The following DNM1 variants were observed in gnomAD, a reference collection of about 807,000 sequenced individuals.
DNM1 encodes dynamin-1.
DNM1 carries 29 observed loss-of-function variants against 104.6 expected under a neutral mutation model. The ratio of observed to expected loss-of-function variants is 0.28; its 90% CI spans 0.21 to 0.38. The LOEUF is 0.38. Among genes scored for constraint, DNM1 ranks in the 10% least tolerant of loss-of-function variants. DNM1 has a pLI of 1.00. For synonymous variants in DNM1, 445 were observed against 475.8 expected (o/e 0.94, Z 0.84); for missense variants, 640 against 1,189.4 (o/e 0.54, Z 6.79).
chr9:128,210,789 C>T (rs1399487349), intron 1 of DNM1, among the ~76,000 whole-genome samples: 1 of 152,112 alleles, frequency 6.6e-6, no homozygotes, highest in Non-Finnish European at 1.5e-5. Context: ...TTTCTGTCTA[C>T]CCTATTCCCC....
chr9:128,250,456 C>T, intron 20 of DNM1, 100 bp downstream of exon 20: 1 of 1,315,226 alleles, frequency 7.6e-7, no homozygotes, highest in Non-Finnish European at 1.0e-6. Context: ...ACCGGGGTGG[C>T]TCCCACCTGG....
At chr9:128,216,416 T>C (rs1056180358) in intron 1 of DNM1, among the ~76,000 whole-genome samples, 1 of 152,176 alleles carries the variant, frequency 6.6e-6, no homozygotes, top group Non-Finnish European at 1.5e-5. Flanking sequence ...AGAGCACAGA[T>C]TCGAGGACTT....
chr9:128,224,417 A>T lies in DNM1; in HGVS notation c.1335+28A>T, dbSNP rs117066897. On this transcript the variant is annotated intron_variant, in intron 10 of 21. Transcript: ENST00000372923. This position sits in a 1 kb window ranked among gnomAD's most constrained non-coding sequence, Gnocchi z 4.3. ...AACCCGGAGGCCCGGGCCAGCCCCC[A>T]CCGCCTCTGCCCCGCCCTGCACTGC... 15 of 1,596,312 alleles carry T rather than the reference A, an allele frequency of 9.4e-6. No homozygotes were observed. In the East Asian group the frequency reaches 2.7e-4, roughly 29 times the overall value.
At chr9:128,231,839 T>C in intron 10 of DNM1, 6 of 344,590 alleles carry the variant, frequency 1.7e-5, no homozygotes, top group South Asian at 1.3e-4. Context: ...CTGGTCATTT[T>C]TCTAAGGAGA....
intron 1 of DNM1, chr9:128,204,844 A>C (rs908889905): frequency 3.3e-5 from 5 of 152,324 alleles, no homozygotes; most frequent in African/African-American, 1.2e-4. Context: ...GAGGTACAGC[A>C]GTTCTGTCCA....
At chr9:128,239,336 G>T in intron 11 of DNM1, 109 bp from the exon 12 acceptor site, 1 of 785,248 alleles carries the variant, frequency 1.3e-6, no homozygotes, top group East Asian at 2.5e-5. Flanking sequence ...ATTTATTATG[G>T]ATACTAACCT....
At chr9:128,234,664 G>A (rs528304571) in intron 11 of DNM1, among the ~76,000 whole-genome samples, 20 of 152,114 alleles carry the variant, frequency 1.3e-4, no homozygotes, top group African/African-American at 4.6e-4. Context: ...GTGAGCCACC[G>A]CGCCTGGCCC....
Position 128,220,105 on chromosome 9 carries a change from T to G in DNM1, c.688+19T>G, listed in dbSNP as rs1448567987. On this transcript the variant is annotated intron_variant, in intron 5 of 21. Transcript: ENST00000372923. The surrounding 1 kb of genome is among the most constrained non-coding windows in gnomAD (Gnocchi z 5.2). ...CGCAGAGGTAAGCAGGCCATGCCCC[T>G]CAACCACTCCCCAGCCCTTCCCCAC... 1.7e-5 allele frequency: 27 copies of G among 1,612,618 alleles called. No homozygotes were observed. The highest frequency in any genetic ancestry group is 2.2e-5 in the Non-Finnish European group (26 of 1,178,982).
In DNM1 at chr9:128,239,874, G is replaced by T. The variant is rs938237885; in HGVS notation, c.1545+95G>T. 8 of 1,566,882 alleles carry T rather than the reference G, an allele frequency of 5.1e-6. No homozygotes were observed. In the African/African-American group the frequency reaches 5.4e-5, roughly 11 times the overall value. On this transcript the variant is annotated intron_variant, in intron 13 of 21. Transcript: ENST00000372923. Reference sequence around the variant, plus strand: ...CCTCCCCTGAGGGGAAGGGTCCCACGGGGGCCAGGGACCTGTCAGCTGCCA... The same window carrying T: ...CCTCCCCTGAGGGGAAGGGTCCCACTGGGGCCAGGGACCTGTCAGCTGCCA...
At position 128,219,387 on chromosome 9, in the gene DNM1, G is replaced by T. The variant is rs73672448; in HGVS notation, c.589+135G>T. 5 of 782,868 alleles carry T rather than the reference G, an allele frequency of 6.4e-6. No homozygotes were observed. In the East Asian group the frequency reaches 1.1e-4, roughly 17 times the overall value. The allele number at this position is 782,868 out of a possible 1,614,324, so 48.5% of individuals were successfully genotyped here. A position where few individuals can be genotyped will look rare whatever the true frequency, so the allele number is the denominator to read the frequency against. On this transcript the variant is annotated intron_variant, in intron 4 of 21. Transcript: ENST00000372923. ...TTGTACCTTTAAAAATCACTTTGGGGGTCAGGCATGGTAGCTCATGCCTGT... is the reference window on the plus strand; with the variant it reads ...TTGTACCTTTAAAAATCACTTTGGGTGTCAGGCATGGTAGCTCATGCCTGT...
At position 128,214,313 on chromosome 9, in the gene DNM1, TG is replaced by T. The variant is rs1588336623; in HGVS notation, c.162-3916del. Among the ~76,000 whole-genome samples the T allele has an allele frequency of 2.6e-5, 4 of 152,238 alleles. No homozygotes were observed. In the East Asian group the frequency reaches 7.7e-4, roughly 29 times the overall value. On this transcript the variant is annotated intron_variant, in intron 1 of 21. Coordinates refer to ENST00000372923, the MANE Select transcript of DNM1 (RefSeq NM_004408.4). ...CTCACAGCAACCCATTTTACTGATG[TG>T]GAAACTGAGGCTCAGAGAGGTATGG... is the stretch of plus-strand genomic sequence containing the variant.
Position 128,243,625 on chromosome 9 carries a change from G to A in DNM1, c.1671+1280G>A, listed in dbSNP as rs186445313. On this transcript the variant is annotated intron_variant, in intron 15 of 21. Coordinates refer to ENST00000372923, the MANE Select transcript of DNM1 (RefSeq NM_004408.4). The surrounding 1 kb of genome is among the most constrained non-coding windows in gnomAD (Gnocchi z 4.0). ...GTGTGCAGTGGCATGGGGTGCGGGT[G>A]GGGGGTGGCTTCCTGCCGGTCTCTC... is the stretch of plus-strand genomic sequence containing the variant. Among the ~76,000 whole-genome samples the A allele has an allele frequency of 1.3e-5, 2 of 152,174 alleles. No homozygotes were observed. The highest frequency in any genetic ancestry group is 2.9e-5 in the Non-Finnish European group (2 of 68,010).
chr9:128,250,377 G>A (rs1343525596), intron 20 of DNM1, 21 bp downstream of exon 20: 1 of 1,554,646 alleles, frequency 6.4e-7, no homozygotes, highest in Non-Finnish European at 8.7e-7. Context: ...CGGCCCCCAC[G>A]GCCCCAAAGC....
intron 14 of DNM1, among the ~76,000 whole-genome samples, chr9:128,241,511 T>C (rs1016638864): frequency 1.3e-5 from 2 of 152,204 alleles, no homozygotes; most frequent in African/African-American, 2.4e-5. Context: ...TATTTATTCA[T>C]ACTACAAATA....
chr9:128,252,123 T>C, intron 21 of DNM1: 1 of 203,182 alleles, frequency 4.9e-6, no homozygotes, highest in Non-Finnish European at 9.9e-6. Flanking sequence ...TATCAAATGA[T>C]GACATTCTGC....
intron 11 of DNM1, 107 bp downstream of exon 11, chr9:128,234,214 G>A: frequency 1.1e-6 from 1 of 899,486 alleles, no homozygotes; most frequent in Non-Finnish European, 1.7e-6. Context: ...TGTCTCTTCT[G>A]TCTCAGTCTT....
intron 11 of DNM1, among the ~76,000 whole-genome samples, chr9:128,234,586 C>T (rs1485175838): frequency 6.6e-6 from 1 of 152,208 alleles, no homozygotes; most frequent in Non-Finnish European, 1.5e-5. Context: ...GTTGGCCAGG[C>T]TGGTCTCAAA....
intron 10 of DNM1, chr9:128,225,960 G>A (rs1328079222): frequency 7.7e-6 from 11 of 1,430,668 alleles, no homozygotes; most frequent in Non-Finnish European, 9.7e-6. Flanking sequence ...TCCTGTCTCT[G>A]CTTGGCTTTC....
In DNM1 at chr9:128,253,528, C is replaced by T. The variant is rs1829658004; in HGVS notation, c.2535-1126C>T. On this transcript the variant is annotated intron_variant, in intron 21 of 21. Transcript: ENST00000372923. The surrounding 1 kb of genome is among the most constrained non-coding windows in gnomAD (Gnocchi z 5.9). Reference sequence around the variant, plus strand: ...TCTGAGGCGGCCAGAGGCCTAGGAACGTTATCCTGGGCACACCGTGCGTGG... The same window carrying T: ...TCTGAGGCGGCCAGAGGCCTAGGAATGTTATCCTGGGCACACCGTGCGTGG... The T allele has an allele frequency of 3.7e-6, 1 of 273,682 alleles. No homozygotes were observed. The highest frequency in any genetic ancestry group is 7.0e-6 in the Non-Finnish European group (1 of 143,660). 17.0% of individuals were successfully genotyped at this position (273,682 alleles called of 1,614,324 possible).
Sources: allele counts gnomAD v4.1 joint callset (sites outside exome capture counted in the v4.1 genomes callset), GRCh38; gene constraint gnomAD v4.1.1; non-coding constraint Gnocchi (gnomAD v3.1); transcripts MANE v1.5; gene names NCBI Gene and HGNC (gene_info 2026-07-23, HGNC 2026-07-21).